Variants in PPARGC1A observed in about 807,000 individuals in gnomAD.
The protein encoded by PPARGC1A is PPARG coactivator 1 alpha.
PPARGC1A carries 25 observed loss-of-function variants against 88.7 expected under a neutral mutation model. The ratio of observed to expected loss-of-function variants is 0.28; its 90% CI spans 0.21 to 0.39. The LOEUF is 0.39. Among genes scored for constraint, PPARGC1A ranks in the 10% least tolerant of loss-of-function variants. PPARGC1A has a pLI of 1.00. For missense variants in PPARGC1A, 880 were observed against 968.7 expected (o/e 0.91, Z 1.22); for synonymous variants, 363 against 355.6 (o/e 1.02, Z -0.24).
rs1717111690 is a variant in PPARGC1A at position 23,794,161 on chromosome 4, A to G, written c.*1661T>C. 6.6e-6 allele frequency: 1 copy of G among 152,636 alleles called. No individual in the cohort carries two copies. The highest frequency in any genetic ancestry group is 2.1e-4 in the South Asian group (1 of 4,834). 9.5% of individuals were successfully genotyped at this position (152,636 alleles called of 1,614,324 possible). On this transcript the variant is annotated 3_prime_UTR_variant, in exon 13 of 13. Coordinates refer to ENST00000264867, the MANE Select transcript of PPARGC1A (RefSeq NM_013261.5). ...TTTGTATCAAATTAAAATCACAAAA[A>G]TTAAAACAAAACAGCATTTTAAAAA...
the PPARGC1A span, among the ~76,000 whole-genome samples, chr4:24,016,907 T>G: frequency 1.4e-4 from 22 of 152,176 alleles, no homozygotes; most frequent in Non-Finnish European, 2.6e-4. Context: ...GGTCGAGTCA[T>G]AGGAACTGGG....
At chr4:24,259,281 A>G in the PPARGC1A span, among the ~76,000 whole-genome samples, 62 of 152,288 alleles carry the variant, frequency 4.1e-4, 1 homozygote, top group African/African-American at 1.5e-3. Flanking sequence ...GCACCTCTGC[A>G]ACAGCACTGA....
chr4:24,080,523 T>A, the PPARGC1A span, among the ~76,000 whole-genome samples: 1 of 152,098 alleles, frequency 6.6e-6, no homozygotes, highest in Non-Finnish European at 1.5e-5. Flanking sequence ...TTCCACATCT[T>A]ACTGTGAACC....
At chr4:24,065,511 T>C in the PPARGC1A span, among the ~76,000 whole-genome samples, 1 of 152,182 alleles carries the variant, frequency 6.6e-6, no homozygotes, top group African/African-American at 2.4e-5. Context: ...CAGGTGCTTT[T>C]CATAGAATTC....
At chr4:23,903,123 G>A (rs116778316), upstream of PPARGC1A, among the ~76,000 whole-genome samples, 10 of 152,170 alleles carry the variant, frequency 6.6e-5, no homozygotes, top group South Asian at 2.1e-4. Flanking sequence ...CCTACACTGG[G>A]GGAAAGATTA....
chr4:23,814,010 A>C lies in PPARGC1A; in HGVS notation c.1473T>G (p.Asn491Lys). 1.2e-6 allele frequency: 2 copies of C among 1,614,094 alleles called. No homozygotes were observed. Among genetic ancestry groups the C allele is most frequent in the Non-Finnish European group, 1.7e-6 (2 of 1,179,962 alleles). ...TGELRDSDFS[N>K]EQFSKLPMFI... ...ACATAGGTAGTTTGGAGAATTGTTC[A>C]TTACTGAAATCACTGTCCCTCAGTT... Residue 491 changes from asparagine (N) to lysine (K), a missense_variant, in exon 8 of 13, where the codon AAT becomes AAG. Physicochemically the swap from Asn to Lys is moderately conservative, Grantham distance 94 (BLOSUM62 0). Coordinates refer to ENST00000264867, the MANE Select transcript of PPARGC1A (RefSeq NM_013261.5).
At chr4:24,165,879 C>T in the PPARGC1A span, among the ~76,000 whole-genome samples, 22 of 152,172 alleles carry the variant, frequency 1.4e-4, no homozygotes, top group Non-Finnish European at 2.9e-4. Flanking sequence ...GTAACCCCTA[C>T]TAAGTATTCA....
chr4:24,295,079 C>T, the PPARGC1A span, among the ~76,000 whole-genome samples: 1 of 152,224 alleles, frequency 6.6e-6, no homozygotes, highest in Non-Finnish European at 1.5e-5. Flanking sequence ...ATTAATGCAA[C>T]GCTGTTTAGT....
chr4:23,938,337 A>G, the PPARGC1A span, among the ~76,000 whole-genome samples: 1 of 152,146 alleles, frequency 6.6e-6, no homozygotes, highest in South Asian at 2.1e-4. Context: ...AGAAGTAAAA[A>G]ATGCACATCT....
At chr4:24,204,202 G>A in the PPARGC1A span, among the ~76,000 whole-genome samples, 1 of 152,166 alleles carries the variant, frequency 6.6e-6, no homozygotes, top group African/African-American at 2.4e-5. Context: ...AAGAGTTAAG[G>A]GGCCTACAAG....
chr4:24,077,359 CAA>C, the PPARGC1A span, among the ~76,000 whole-genome samples: 1 of 152,186 alleles, frequency 6.6e-6, no homozygotes, highest in South Asian at 2.1e-4. Flanking sequence ...AAAATTTGAT[CAA>C]GTTTACATTC....
chr4:24,383,269 A>G, the PPARGC1A span, among the ~76,000 whole-genome samples: 251 of 152,344 alleles, frequency 1.6e-3, no homozygotes, highest in Middle Eastern at 0.017. Context: ...AGGTGAGGAA[A>G]AACCAGCACA....
chr4:23,904,087 CACA>C, upstream of PPARGC1A: 3 of 977,574 alleles, frequency 3.1e-6, no homozygotes, highest in South Asian at 9.5e-5. Context: ...AGGGAACACT[CACA>C]ACAAGGGCTT....
At chr4:24,231,910 CA>C in the PPARGC1A span, among the ~76,000 whole-genome samples, 1 of 152,082 alleles carries the variant, frequency 6.6e-6, no homozygotes, top group Non-Finnish European at 1.5e-5. Context: ...ACTATTCTAG[CA>C]AAGAAAATAG....
At chr4:23,875,082 T>C (rs867916898) in intron 2 of PPARGC1A, among the ~76,000 whole-genome samples, 3 of 152,350 alleles carry the variant, frequency 2.0e-5, no homozygotes, top group Admixed American at 6.5e-5. Context: ...CTTCCCTGCT[T>C]GTACATTTCT....
the PPARGC1A span, among the ~76,000 whole-genome samples, chr4:23,981,919 C>A: frequency 6.6e-6 from 1 of 151,618 alleles, no homozygotes. Context: ...GTAACTGAAT[C>A]GAAGAAAAGA....
the PPARGC1A span, among the ~76,000 whole-genome samples, chr4:24,343,581 A>C: frequency 6.6e-6 from 1 of 152,282 alleles, no homozygotes; most frequent in Admixed American, 6.5e-5. Flanking sequence ...ATTGTTTATA[A>C]ATTGTACAGT....
chr4:23,874,353 C>T (rs1179885588), intron 2 of PPARGC1A, among the ~76,000 whole-genome samples: 2 of 152,098 alleles, frequency 1.3e-5, no homozygotes, highest in African/African-American at 2.4e-5. Context: ...AGTGTGACTG[C>T]GACCAAAATG....
At chr4:24,093,986 T>C in the PPARGC1A span, among the ~76,000 whole-genome samples, 2 of 142,796 alleles carry the variant, frequency 1.4e-5, no homozygotes, top group African/African-American at 2.4e-5. Context: ...AAATCCAGCA[T>C]AACCACATGC....
Sources: gnomAD v4.1 joint callset for allele counts (sites outside exome capture counted in the v4.1 genomes callset) on GRCh38, gnomAD v4.1.1 for gene constraint, MANE v1.5 for transcripts, NCBI Gene and HGNC (gene_info 2026-07-23, HGNC 2026-07-21) for gene names.